JAZF1: variants seen among roughly 807,000 people sequenced by gnomAD.
The protein encoded by JAZF1 is JAZF zinc finger 1.
In JAZF1, 8 loss-of-function variants were observed where a neutral mutation model predicts 26.4. That is an observed-to-expected ratio of 0.30 (90% CI 0.18 to 0.55). JAZF1 has a LOEUF of 0.55. Ranked by LOEUF, JAZF1 falls within the 20% of genes least tolerant of loss-of-function variation. JAZF1 has a pLI of 0.94. For missense variants in JAZF1, 199 were observed against 322.0 expected (o/e 0.62, Z 2.92); for synonymous variants, 126 against 122.3 (o/e 1.03, Z -0.20).
chr7:28,031,553 C>T (rs1156285829), intron 1 of JAZF1, among the ~76,000 whole-genome samples: 3 of 152,184 alleles, frequency 2.0e-5, no homozygotes, highest in African/African-American at 7.2e-5. Context: ...CAGAGCGTAC[C>T]ATTTGTACAT....
intron 2 of JAZF1, among the ~76,000 whole-genome samples, chr7:27,897,944 A>G (rs1178169195): frequency 6.6e-6 from 1 of 152,234 alleles, no homozygotes; most frequent in Non-Finnish European, 1.5e-5. Flanking sequence ...AGACGGGGCA[A>G]TAACATTTCA....
At chr7:27,931,654 A>G (rs1438554606) in intron 2 of JAZF1, among the ~76,000 whole-genome samples, 1 of 152,116 alleles carries the variant, frequency 6.6e-6, no homozygotes, top group Non-Finnish European at 1.5e-5. Context: ...CGTCTCTACT[A>G]AAAATACAAA....
At chr7:27,943,608 G>A (rs1301522905) in intron 2 of JAZF1, among the ~76,000 whole-genome samples, 1 of 152,176 alleles carries the variant, frequency 6.6e-6, no homozygotes, top group East Asian at 1.9e-4. Context: ...TTAGTGCCAC[G>A]AGGGTGTAAA....
chr7:27,970,590 T>C (rs1785357717), intron 2 of JAZF1, among the ~76,000 whole-genome samples: 1 of 152,248 alleles, frequency 6.6e-6, no homozygotes, highest in Non-Finnish European at 1.5e-5. Context: ...TTTGTACCTG[T>C]AGAAGTCAGA....
At chr7:28,121,391 T>C (rs1027010940) in intron 1 of JAZF1, among the ~76,000 whole-genome samples, 5 of 152,126 alleles carry the variant, frequency 3.3e-5, no homozygotes, top group African/African-American at 1.2e-4. Flanking sequence ...AATAATCATA[T>C]GAGACGTTCA....
At chr7:27,904,108 T>C (rs1386078687) in intron 2 of JAZF1, among the ~76,000 whole-genome samples, 2 of 152,148 alleles carry the variant, frequency 1.3e-5, no homozygotes, top group South Asian at 2.1e-4. Flanking sequence ...GCTGTTACTA[T>C]GCAATCCAGG....
intron 2 of JAZF1, among the ~76,000 whole-genome samples, chr7:27,963,420 T>C (rs1785216593): frequency 6.6e-6 from 1 of 152,218 alleles, no homozygotes; most frequent in Non-Finnish European, 1.5e-5. Context: ...CCATGCTTGT[T>C]CCCTATGATT....
intron 1 of JAZF1, among the ~76,000 whole-genome samples, chr7:28,037,098 A>C (rs968061033): frequency 6.6e-6 from 1 of 152,184 alleles, no homozygotes; most frequent in Non-Finnish European, 1.5e-5. Flanking sequence ...GTACGTGCAG[A>C]ACTTGCTTAA....
At chr7:28,159,489 C>T (rs898979941) in intron 1 of JAZF1, among the ~76,000 whole-genome samples, 5 of 151,846 alleles carry the variant, frequency 3.3e-5, no homozygotes, top group South Asian at 4.2e-4. Context: ...GTGGGACCTT[C>T]GAGGGGGCGT....
Position 27,985,322 on chromosome 7 carries a change from C to G in JAZF1, c.188+6587G>C, listed in dbSNP as rs1376905562. Reference sequence around the variant, plus strand: ...AACTACCATCAGAGAATACTATAAACACCTCTATGCAAATAAACTAGAACA... The same window carrying G: ...AACTACCATCAGAGAATACTATAAAGACCTCTATGCAAATAAACTAGAACA... On this transcript the variant is annotated intron_variant, in intron 2 of 4. Transcript: ENST00000283928. 2.0e-5 allele frequency among the ~76,000 whole-genome samples: 3 copies of G among 152,318 alleles called. No individual in the cohort carries two copies. The East Asian group carries it at 5.8e-4, about 29-fold the overall frequency.
chr7:28,136,840 G>C (rs535849738), intron 1 of JAZF1, among the ~76,000 whole-genome samples: 15 of 152,332 alleles, frequency 9.8e-5, no homozygotes, highest in African/African-American at 3.6e-4. Context: ...TTCCAGGAAG[G>C]CTTCCTGAAG....
intron 2 of JAZF1, among the ~76,000 whole-genome samples, chr7:27,963,180 C>T (rs1242993728): frequency 2.0e-5 from 3 of 152,172 alleles, no homozygotes; most frequent in Non-Finnish European, 2.9e-5. Flanking sequence ...ATGTATACTA[C>T]GTTACAATTT....
intron 1 of JAZF1, among the ~76,000 whole-genome samples, chr7:28,081,992 T>C (rs934824437): frequency 3.9e-5 from 6 of 152,190 alleles, no homozygotes; most frequent in Non-Finnish European, 7.3e-5. Context: ...AGGGGCTAAA[T>C]AAGTTGATCT....
intron 2 of JAZF1, among the ~76,000 whole-genome samples, chr7:27,916,520 T>C (rs750293430): frequency 2.0e-5 from 3 of 152,200 alleles, no homozygotes; most frequent in Non-Finnish European, 4.4e-5. Context: ...AAATACATAT[T>C]GTTGATTCCT....
intron 1 of JAZF1, among the ~76,000 whole-genome samples, chr7:28,121,148 C>T (rs1289307456): frequency 2.8e-5 from 4 of 144,216 alleles, no homozygotes; most frequent in South Asian, 4.3e-4. Context: ...TGCAGTGAGC[C>T]GAGATCGCAC....
chr7:28,121,182 T>C (rs1782597604), intron 1 of JAZF1, among the ~76,000 whole-genome samples: 1 of 10,478 alleles, frequency 9.5e-5, no homozygotes, highest in African/African-American at 6.0e-4. Context: ...AAGGAGACTG[T>C]CTCGAAAAAA....
intron 1 of JAZF1, among the ~76,000 whole-genome samples, chr7:28,035,583 CT>C (rs1209331000): frequency 6.6e-6 from 1 of 151,736 alleles, no homozygotes; most frequent in East Asian, 1.9e-4. Flanking sequence ...TAATGGATGA[CT>C]GCAGGAGAGA....
Position 28,149,638 on chromosome 7 carries a change from C to A in JAZF1, c.115+30825G>T, listed in dbSNP as rs181053886. Among the ~76,000 whole-genome samples the A allele has an allele frequency of 4.1e-4, 62 of 152,314 alleles. 1 individual carries two copies. Among genetic ancestry groups the A allele is most frequent in the Non-Finnish European group, 7.3e-4 (50 of 68,032 alleles). On this transcript the variant is annotated intron_variant, in intron 1 of 4. Coordinates refer to ENST00000283928, the MANE Select transcript of JAZF1 (RefSeq NM_175061.4). ...GAGGCAATGGGAAAGCCTGAACCCACAGGTTCAACTAGATTCCCACACAAG... is the reference window on the plus strand; with the variant it reads ...GAGGCAATGGGAAAGCCTGAACCCAAAGGTTCAACTAGATTCCCACACAAG...
At chr7:27,904,161 T>C (rs972126415) in intron 2 of JAZF1, among the ~76,000 whole-genome samples, 1 of 152,182 alleles carries the variant, frequency 6.6e-6, no homozygotes, top group Non-Finnish European at 1.5e-5. Context: ...AAACAGTGCA[T>C]GGCACATTTG....
Sources: gnomAD v4.1 joint callset for allele counts (sites outside exome capture counted in the v4.1 genomes callset) on GRCh38, gnomAD v4.1.1 for gene constraint, MANE v1.5 for transcripts, NCBI Gene and HGNC (gene_info 2026-07-23, HGNC 2026-07-21) for gene names.